Variants in CLYBL observed in about 807,000 individuals in gnomAD.
CLYBL encodes citramalyl-CoA lyase, mitochondrial.
Under a neutral mutation model 38.9 loss-of-function variants are expected in CLYBL, and 31 were observed. The observed-to-expected ratio is 0.80, with a 90% CI of 0.60 to 1.08. The LOEUF (loss-of-function observed/expected upper bound fraction) is 1.08, where lower values mean the gene tolerates loss of function less well. Ranked by LOEUF, CLYBL falls within the 50% of genes least tolerant of loss-of-function variation. The pLI is 0.00. For synonymous variants in CLYBL, 171 were observed against 158.6 expected, an observed-to-expected ratio of 1.08 and a Z score of -0.59; for missense variants, 434 against 411.6, an observed-to-expected ratio of 1.05 and a Z score of -0.47.
chr13:99,716,248 T>A (rs2048312149), intron 1 of CLYBL, among the ~76,000 whole-genome samples: 1 of 136,608 alleles, frequency 7.3e-6, no homozygotes, highest in African/African-American at 2.7e-5. Context: ...TGGGCTCAAG[T>A]GATTCTCCTG....
chr13:99,771,357 T>C (rs1464081197), intron 1 of CLYBL, among the ~76,000 whole-genome samples: 2 of 152,316 alleles, frequency 1.3e-5, no homozygotes, highest in African/African-American at 2.4e-5. Flanking sequence ...TAAGGCCTAA[T>C]TGGCAGTCTT....
chr13:99,639,898 A>G (rs891003027), intron 1 of CLYBL, among the ~76,000 whole-genome samples: 4 of 152,204 alleles, frequency 2.6e-5, no homozygotes, highest in African/African-American at 7.2e-5. Context: ...CATTATCTTA[A>G]AGAAAAATTG....
chr13:99,811,024 C>G (rs754178716), intron 2 of CLYBL, among the ~76,000 whole-genome samples: 7 of 152,186 alleles, frequency 4.6e-5, no homozygotes, highest in Non-Finnish European at 7.3e-5. Context: ...TCTGAAGGAG[C>G]AAAGACCTCT....
chr13:99,625,430 C>T (rs1441719869), intron 1 of CLYBL, among the ~76,000 whole-genome samples: 1 of 152,130 alleles, frequency 6.6e-6, no homozygotes, highest in African/African-American at 2.4e-5. Context: ...AAGGTGGAAA[C>T]GGGACTGTTG....
chr13:99,834,072 G>T (rs942363995), intron 2 of CLYBL, among the ~76,000 whole-genome samples: 1 of 152,056 alleles, frequency 6.6e-6, no homozygotes, highest in Admixed American at 6.5e-5. Context: ...GATAACTGGC[G>T]AGAGAGGTGG....
At chr13:99,864,313 G>A (rs2051684959) in intron 4 of CLYBL, among the ~76,000 whole-genome samples, 1 of 152,166 alleles carries the variant, frequency 6.6e-6, no homozygotes. Context: ...TGTCGAAGTT[G>A]CTTTATGAAC....
chr13:99,735,494 C>G (rs1422501931), intron 1 of CLYBL, among the ~76,000 whole-genome samples: 2 of 151,128 alleles, frequency 1.3e-5, no homozygotes, highest in African/African-American at 4.9e-5. Context: ...CCACACCCAG[C>G]ATTTTTTTTT....
chr13:99,795,008 A>C (rs1425599135), intron 2 of CLYBL, among the ~76,000 whole-genome samples: 1 of 152,200 alleles, frequency 6.6e-6, no homozygotes, highest in Non-Finnish European at 1.5e-5. Context: ...ATTTTTAAAT[A>C]TATCAAAGCT....
At chr13:99,870,225 T>G (rs550209796) in intron 6 of CLYBL, among the ~76,000 whole-genome samples, 1 of 152,266 alleles carries the variant, frequency 6.6e-6, no homozygotes, top group African/African-American at 2.4e-5. Context: ...CAGAGAAACT[T>G]TAAGTATTTA....
intron 7 of CLYBL, among the ~76,000 whole-genome samples, chr13:99,889,557 G>T (rs978213792): frequency 5.3e-5 from 8 of 152,126 alleles, no homozygotes; most frequent in Non-Finnish European, 1.2e-4. Flanking sequence ...CAAGAGGGCT[G>T]GGAAGTGACT....
chr13:99,636,629 AGATCTCT>A (rs533291672), intron 1 of CLYBL, among the ~76,000 whole-genome samples: 203 of 152,292 alleles, frequency 1.3e-3, no homozygotes, highest in African/African-American at 4.8e-3. Context: ...TTTTAGAGAG[AGATCTCT>A]GATTTTAAGA....
chr13:99,697,663 T>G (rs561568635), intron 1 of CLYBL, among the ~76,000 whole-genome samples: 42 of 145,130 alleles, frequency 2.9e-4, no homozygotes, highest in African/African-American at 1.0e-3. Context: ...CTTTCTTTCT[T>G]TTTTTTTTTT....
At chr13:99,881,246 G>A (rs751896812) in intron 7 of CLYBL, among the ~76,000 whole-genome samples, 4 of 152,130 alleles carry the variant, frequency 2.6e-5, no homozygotes, top group Non-Finnish European at 5.9e-5. Context: ...ATTTCATGTA[G>A]AGATACATTA....
At chr13:99,759,384 A>C (rs1229547095) in intron 1 of CLYBL, among the ~76,000 whole-genome samples, 1 of 152,188 alleles carries the variant, frequency 6.6e-6, no homozygotes, top group Non-Finnish European at 1.5e-5. Flanking sequence ...AGAGGGAATA[A>C]AAATTATCTC....
At chr13:99,644,559 T>C (rs1486897636) in intron 1 of CLYBL, among the ~76,000 whole-genome samples, 1 of 152,210 alleles carries the variant, frequency 6.6e-6, no homozygotes, top group Non-Finnish European at 1.5e-5. Flanking sequence ...TAATAAATTA[T>C]TGTTGACTGT....
At chr13:99,885,569 G>C (rs773119469) in intron 7 of CLYBL, among the ~76,000 whole-genome samples, 3 of 152,146 alleles carry the variant, frequency 2.0e-5, no homozygotes, top group Non-Finnish European at 4.4e-5. Flanking sequence ...CTCCCAACTA[G>C]AAAAGTGCCA....
chr13:99,663,023 A>C (rs2047431757), intron 1 of CLYBL, among the ~76,000 whole-genome samples: 2 of 152,214 alleles, frequency 1.3e-5, no homozygotes, highest in Non-Finnish European at 2.9e-5. Context: ...AAATTACTCA[A>C]ATGTAGCCAA....
downstream of CLYBL, chr13:99,894,065 C>G (rs2052539913): frequency 6.6e-6 from 1 of 152,300 alleles, no homozygotes; most frequent in Non-Finnish European, 1.5e-5. Context: ...GAACAGAGAC[C>G]CAAACGACGA....
At chr13:99,873,098 T>C (rs946575614) in intron 7 of CLYBL, among the ~76,000 whole-genome samples, 6 of 152,104 alleles carry the variant, frequency 3.9e-5, no homozygotes, top group African/African-American at 1.4e-4. Flanking sequence ...TTTGTGGAGG[T>C]TTGTTTCCTA....
Sources: gnomAD v4.1 joint callset for allele counts (sites outside exome capture counted in the v4.1 genomes callset) on GRCh38, gnomAD v4.1.1 for gene constraint, MANE v1.5 for transcripts, NCBI Gene and HGNC (gene_info 2026-07-23, HGNC 2026-07-21) for gene names.